Variants in NXPE2 observed in about 807,000 individuals in gnomAD.
NXPE2 encodes neurexophilin and PC-esterase domain family member 2, also known as NXPE family member 2.
A neutral mutation model predicts 34.4 loss-of-function variants in NXPE2; 34 were observed. That is an observed-to-expected ratio of 0.99 (90% CI 0.75 to 1.31). The LOEUF is 1.31. Among genes scored for constraint, NXPE2 ranks in the 40% most tolerant of loss-of-function variants. The pLI, the probability that NXPE2 is intolerant of heterozygous loss-of-function variation, is 0.00. For missense variants in NXPE2, 649 were observed against 672.5 expected, an observed-to-expected ratio of 0.97 and a Z score of 0.39; for synonymous variants, 235 against 231.3, an observed-to-expected ratio of 1.02 and a Z score of -0.15.
chr11:114,800,238 G>T, the NXPE2 span, among the ~76,000 whole-genome samples: 1 of 152,178 alleles, frequency 6.6e-6, no homozygotes. Context: ...GCTGACATTT[G>T]TCTCTGGGAA....
At chr11:114,690,967 C>G (rs1027736026) in intron 2 of NXPE2, among the ~76,000 whole-genome samples, 19 of 151,980 alleles carry the variant, frequency 1.3e-4, no homozygotes, top group Non-Finnish European at 4.4e-5. Context: ...ATGTCATCTT[C>G]CAAATCTTGG....
the NXPE2 span, among the ~76,000 whole-genome samples, chr11:114,768,220 T>C: frequency 1.3e-5 from 2 of 152,192 alleles, no homozygotes; most frequent in African/African-American, 4.8e-5. Context: ...CCGATGGTTG[T>C]AGATATGTGG....
chr11:114,582,746 C>T, the NXPE2 span: 1 of 1,614,184 alleles, frequency 6.2e-7, no homozygotes, highest in East Asian at 2.2e-5. Context: ...CCAAGTGGTC[C>T]CTCACCTCCA....
the NXPE2 span, among the ~76,000 whole-genome samples, chr11:114,653,533 CTT>C: frequency 4.5e-3 from 467 of 103,498 alleles, 3 homozygotes; most frequent in Middle Eastern, 0.015. Flanking sequence ...CCTGCTTTCC[CTT>C]TTTTTTTTTT....
the NXPE2 span, among the ~76,000 whole-genome samples, chr11:114,638,186 C>G: frequency 2.6e-5 from 4 of 151,944 alleles, no homozygotes; most frequent in Non-Finnish European, 5.9e-5. Context: ...TTTCTCTAAA[C>G]TTCCCTTCTC....
the NXPE2 span, among the ~76,000 whole-genome samples, chr11:114,750,917 G>T: frequency 2.0e-5 from 3 of 151,852 alleles, no homozygotes; most frequent in Non-Finnish European, 4.4e-5. Flanking sequence ...ATGATTCAAC[G>T]TTTCAGTGCC....
the NXPE2 span, among the ~76,000 whole-genome samples, chr11:114,651,303 A>C: frequency 6.6e-6 from 1 of 151,592 alleles, no homozygotes; most frequent in African/African-American, 2.4e-5. Flanking sequence ...TGACTTTAGG[A>C]GTGAAGCCGC....
At chr11:114,587,970 G>T in the NXPE2 span, among the ~76,000 whole-genome samples, 1 of 152,138 alleles carries the variant, frequency 6.6e-6, no homozygotes, top group South Asian at 2.1e-4. Flanking sequence ...ATTTTCTGTA[G>T]ATGGGACAGC....
At chr11:114,617,324 G>T in the NXPE2 span, among the ~76,000 whole-genome samples, 1 of 152,020 alleles carries the variant, frequency 6.6e-6, no homozygotes, top group African/African-American at 2.4e-5. Context: ...TGCCTCGTGG[G>T]TAACCACTCT....
chr11:114,650,629 G>A, the NXPE2 span, among the ~76,000 whole-genome samples: 2,841 of 152,244 alleles, frequency 0.019, 86 homozygotes, highest in African/African-American at 0.065. Context: ...TATCCCTAGG[G>A]AAGGGGCAGG....
chr11:114,627,474 G>A, the NXPE2 span, among the ~76,000 whole-genome samples: 1 of 151,056 alleles, frequency 6.6e-6, no homozygotes, highest in African/African-American at 2.4e-5. Context: ...AATGCTGAGA[G>A]ATTTTGTCAC....
chr11:114,547,382 G>C, the NXPE2 span, among the ~76,000 whole-genome samples: 3 of 152,172 alleles, frequency 2.0e-5, no homozygotes, highest in Non-Finnish European at 4.4e-5. Context: ...CCAGACCACT[G>C]TTCCTTAAAA....
the NXPE2 span, among the ~76,000 whole-genome samples, chr11:114,782,056 AC>A: frequency 1.3e-5 from 2 of 152,202 alleles, no homozygotes; most frequent in Non-Finnish European, 2.9e-5. Flanking sequence ...CTTCTTGTAC[AC>A]TTTAAATCAT....
At chr11:114,745,802 T>C in the NXPE2 span, among the ~76,000 whole-genome samples, 4 of 152,204 alleles carry the variant, frequency 2.6e-5, no homozygotes, top group East Asian at 5.8e-4. Flanking sequence ...ATTAGGTGTC[T>C]CCAAATTTTT....
the NXPE2 span, chr11:114,571,567 A>C: frequency 8.8e-7 from 1 of 1,132,878 alleles, no homozygotes; most frequent in Non-Finnish European, 1.3e-6. Flanking sequence ...TGGTATAATT[A>C]AATAAGCTAA....
the NXPE2 span, among the ~76,000 whole-genome samples, chr11:114,491,769 A>T: frequency 6.6e-6 from 1 of 152,348 alleles, no homozygotes; most frequent in South Asian, 2.1e-4. Context: ...CAAATGTCCA[A>T]CAATGATAGA....
the NXPE2 span, among the ~76,000 whole-genome samples, chr11:114,504,849 C>A: frequency 1.3e-5 from 2 of 152,308 alleles, no homozygotes; most frequent in Admixed American, 6.5e-5. Flanking sequence ...ATAGCATCAT[C>A]TCTCTAGCAA....
the NXPE2 span, among the ~76,000 whole-genome samples, chr11:114,745,040 T>A: frequency 1.3e-5 from 2 of 152,116 alleles, no homozygotes; most frequent in African/African-American, 4.8e-5. Flanking sequence ...AAATAAATAT[T>A]CATGAGAATT....
At chr11:114,525,938 C>T in the NXPE2 span, among the ~76,000 whole-genome samples, 6 of 152,350 alleles carry the variant, frequency 3.9e-5, no homozygotes, top group Non-Finnish European at 5.9e-5. Flanking sequence ...TTAATTCCCA[C>T]AACAATGTTG....
Sources: allele counts gnomAD v4.1 joint callset (sites outside exome capture counted in the v4.1 genomes callset), GRCh38; gene constraint gnomAD v4.1.1; transcripts MANE v1.5; gene names NCBI Gene and HGNC (gene_info 2026-07-23, HGNC 2026-07-21).